The following FAF1 variants were observed in gnomAD, a reference collection of about 807,000 sequenced individuals.
The protein encoded by FAF1 is Fas associated factor 1, also known as FAS-associated factor 1.
In FAF1, 25 loss-of-function variants were observed where a neutral mutation model predicts 92.5. The observed-to-expected ratio is 0.27, with a 90% CI of 0.20 to 0.38. The LOEUF is 0.38. FAF1 is among the 10% of genes least tolerant of loss of function. The probability of loss-of-function intolerance (pLI) is 1.00; values close to 1 mark genes in which losing one functional copy is unlikely to be tolerated. For synonymous variants in FAF1, 234 were observed against 273.2 expected, an observed-to-expected ratio of 0.86 and a Z score of 1.42; for missense variants, 636 against 793.3, an observed-to-expected ratio of 0.80 and a Z score of 2.38.
chr1:50,522,221 T>A (rs1226556543), intron 15 of FAF1, among the ~76,000 whole-genome samples: 3 of 152,224 alleles, frequency 2.0e-5, no homozygotes, highest in African/African-American at 7.2e-5. Flanking sequence ...GTAAGAGCAC[T>A]GATTCAGTTT....
intron 2 of FAF1, among the ~76,000 whole-genome samples, chr1:50,801,940 T>C (rs1217856993): frequency 6.6e-6 from 1 of 152,172 alleles, no homozygotes; most frequent in East Asian, 1.9e-4. Context: ...ACAGTTCTGA[T>C]TCAGGCAAAA....
At chr1:50,751,964 G>GTTTTGT (rs916595250) in intron 4 of FAF1, among the ~76,000 whole-genome samples, 3 of 152,038 alleles carry the variant, frequency 2.0e-5, no homozygotes, top group African/African-American at 7.2e-5. Context: ...TTGTGGGAAG[G>GTTTTGT]TTTTGTTTTT....
rs143036478 is a variant in FAF1 at position 50,920,173 on chromosome 1, C to T, written c.45+39594G>A. ...AAAGTTAGCTGGGTGTGGTGGCACT[C>T]GCCTGTAGTCCCAGCTACTCGGGAG... is the stretch of plus-strand genomic sequence containing the variant. On this transcript the variant is annotated intron_variant, in intron 1 of 18. Transcript: ENST00000396153. 5.5e-3 allele frequency among the ~76,000 whole-genome samples: 830 copies of T among 151,930 alleles called. 5 individuals carry two copies. The highest frequency in any genetic ancestry group is 0.018 in the African/African-American group (759 of 41,418).
intron 18 of FAF1, among the ~76,000 whole-genome samples, chr1:50,449,360 T>C (rs1646266947): frequency 6.6e-6 from 1 of 152,130 alleles, no homozygotes; most frequent in Admixed American, 6.6e-5. Context: ...CCTAAGCTCT[T>C]TGTACTCTGA....
At chr1:50,706,281 T>C (rs1240420041) in intron 6 of FAF1, among the ~76,000 whole-genome samples, 4 of 152,062 alleles carry the variant, frequency 2.6e-5, no homozygotes, top group Non-Finnish European at 5.9e-5. Flanking sequence ...ACAGCTGTTC[T>C]AGAATAACAG....
intron 7 of FAF1, among the ~76,000 whole-genome samples, chr1:50,684,257 C>CTTT (rs756495229): frequency 3.5e-5 from 4 of 114,430 alleles, no homozygotes; most frequent in African/African-American, 6.5e-5. Context: ...TTCCAACAGA[C>CTTT]TTTTTTTTTT....
intron 8 of FAF1, among the ~76,000 whole-genome samples, chr1:50,597,090 G>C (rs1651857871): frequency 1.3e-5 from 2 of 152,160 alleles, no homozygotes; most frequent in South Asian, 4.1e-4. Flanking sequence ...CCACAGCGTA[G>C]GGATAATAAG....
At chr1:50,952,502 G>A (rs1405387907) in intron 1 of FAF1, among the ~76,000 whole-genome samples, 7 of 152,222 alleles carry the variant, frequency 4.6e-5, no homozygotes, top group Admixed American at 3.3e-4. Flanking sequence ...CCAAAGTGCC[G>A]AGATTGCAGC....
chr1:50,634,702 G>T (rs919641472), intron 8 of FAF1, among the ~76,000 whole-genome samples: 1 of 152,162 alleles, frequency 6.6e-6, no homozygotes, highest in African/African-American at 2.4e-5. Context: ...GTTATTAAAT[G>T]CAATTTAGAG....
chr1:50,556,239 A>C (rs1343097321), intron 13 of FAF1, among the ~76,000 whole-genome samples: 4 of 46,636 alleles, frequency 8.6e-5, no homozygotes, highest in Admixed American at 5.6e-4. Flanking sequence ...CTCCATCTCC[A>C]AAAAAAAAAA....
At chr1:50,793,292 T>C (rs1173251688) in intron 3 of FAF1, among the ~76,000 whole-genome samples, 2 of 152,222 alleles carry the variant, frequency 1.3e-5, no homozygotes, top group Admixed American at 6.5e-5. Context: ...ATTAAGACAC[T>C]TGCAGCTGTT....
chr1:50,549,568 A>C lies in FAF1; in HGVS notation c.1269-9840T>G, dbSNP rs556914935. On this transcript the variant is annotated intron_variant, in intron 13 of 18. Coordinates refer to ENST00000396153, the MANE Select transcript of FAF1 (RefSeq NM_007051.3). ...GCTGAGGTGGGCGGACCACGAGGTCAGTTCAAGACCAGCCTGGCCAACAAG... is the reference window on the plus strand; with the variant it reads ...GCTGAGGTGGGCGGACCACGAGGTCCGTTCAAGACCAGCCTGGCCAACAAG... Among the ~76,000 whole-genome samples, 335 of 152,140 alleles carry C rather than the reference A, an allele frequency of 2.2e-3. 1 individual carries two copies. Among genetic ancestry groups the C allele is most frequent in the African/African-American group, 7.8e-3 (326 of 41,532 alleles).
chr1:50,501,522 G>A (rs1040316010), intron 15 of FAF1, among the ~76,000 whole-genome samples: 9 of 152,016 alleles, frequency 5.9e-5, no homozygotes, highest in African/African-American at 1.9e-4. Flanking sequence ...TTAGCTGGGC[G>A]TGGTGGCAGG....
intron 7 of FAF1, among the ~76,000 whole-genome samples, chr1:50,672,125 A>G (rs1362641208): frequency 2.0e-5 from 3 of 151,720 alleles, no homozygotes; most frequent in African/African-American, 7.3e-5. Context: ...AGCTCACTGC[A>G]ACCTCTGCCT....
intron 2 of FAF1, among the ~76,000 whole-genome samples, chr1:50,826,379 C>T (rs1035280444): frequency 2.6e-5 from 4 of 151,742 alleles, no homozygotes; most frequent in East Asian, 1.9e-4. Context: ...GGTGAAACCC[C>T]GTCTCTACTA....
chr1:50,841,227 G>A (rs966274136), intron 2 of FAF1, among the ~76,000 whole-genome samples: 2 of 151,956 alleles, frequency 1.3e-5, no homozygotes, highest in African/African-American at 4.8e-5. Flanking sequence ...ATTCCTAAAT[G>A]CCCTTGACAC....
chr1:50,599,500 T>C (rs1448206337), intron 8 of FAF1, among the ~76,000 whole-genome samples: 3 of 152,186 alleles, frequency 2.0e-5, no homozygotes, highest in African/African-American at 7.2e-5. Flanking sequence ...CACCAAGCTG[T>C]TAAAAATCTC....
At chr1:50,867,060 A>G (rs1261578299) in intron 1 of FAF1, among the ~76,000 whole-genome samples, 1 of 152,160 alleles carries the variant, frequency 6.6e-6, no homozygotes, top group Non-Finnish European at 1.5e-5. Context: ...AATCTTCAAC[A>G]AAGCAAACAA....
chr1:50,849,144 G>A (rs1189755919), intron 2 of FAF1, among the ~76,000 whole-genome samples: 1 of 152,024 alleles, frequency 6.6e-6, no homozygotes, highest in Non-Finnish European at 1.5e-5. Context: ...GCACATGCCT[G>A]TAATCCCAGC....
Sources: allele counts gnomAD v4.1 joint callset (sites outside exome capture counted in the v4.1 genomes callset), GRCh38; gene constraint gnomAD v4.1.1; transcripts MANE v1.5; gene names NCBI Gene and HGNC (gene_info 2026-07-23, HGNC 2026-07-21).